The following BAHCC1 variants were observed in gnomAD, a reference collection of about 807,000 sequenced individuals.
The protein encoded by BAHCC1 is BAH domain and coiled-coil containing 1.
Under a neutral mutation model 88.2 loss-of-function variants are expected in BAHCC1, and 43 were observed. That is an observed-to-expected ratio of 0.49 (90% CI 0.38 to 0.63). BAHCC1 has a LOEUF of 0.63. Ranked by LOEUF, BAHCC1 falls within the 20% of genes least tolerant of loss-of-function variation. The probability of loss-of-function intolerance (pLI) is 0.00; values close to 1 mark genes in which losing one functional copy is unlikely to be tolerated. For synonymous variants in BAHCC1, 1,510 were observed against 745.5 expected (o/e 2.03, Z -16.71); for missense variants, 3,023 against 1,654.8 (o/e 1.83, Z -14.34).
At chr17:81,431,063 G>A (rs1426726035) in intron 3 of BAHCC1, among the ~76,000 whole-genome samples, 1 of 145,680 alleles carries the variant, frequency 6.9e-6, no homozygotes, top group Non-Finnish European at 1.5e-5. Context: ...CGGCGTGGGG[G>A]TGGAGGGGAC....
chr17:81,452,668 T>G lies in BAHCC1; in HGVS notation c.4317-55T>G, dbSNP rs184015714. On this transcript the variant is annotated intron_variant, in intron 13 of 27. Transcript: ENST00000675386. ...AGGCCAATGCCCTCGGCTGGAACCT[T>G]GTCGGGGAGCTGGGTTGTGCATGAG... The G allele has an allele frequency of 3.2e-3, 2,127 of 671,544 alleles. 6 individuals carry two copies. Among genetic ancestry groups the G allele is most frequent in the Non-Finnish European group, 5.0e-3 (1,882 of 373,530 alleles). The allele number at this position is 671,544 out of a possible 1,614,324, so 41.6% of individuals were successfully genotyped here. A position where few individuals can be genotyped will look rare whatever the true frequency, so the allele number is the denominator to read the frequency against.
At chr17:81,436,993 C>A (rs1016626491) in intron 3 of BAHCC1, among the ~76,000 whole-genome samples, 1 of 152,234 alleles carries the variant, frequency 6.6e-6, no homozygotes, top group Non-Finnish European at 1.5e-5. Context: ...GGGGCTCAAG[C>A]TCCACAGATT....
rs545607252 is a variant in BAHCC1, at chr17:81,423,294, C to G, written c.179-3506C>G. On this transcript the variant is annotated intron_variant, in intron 2 of 27. Coordinates refer to ENST00000675386, the MANE Select transcript of BAHCC1 (RefSeq NM_001377448.1). ...GGGAAGGGGCCTTGGGGGCCCTGGG[C>G]TGGGAACTGGCTCAGCACAGCAGGA... is the stretch of plus-strand genomic sequence containing the variant. Among the ~76,000 whole-genome samples the G allele has an allele frequency of 1.4e-4, 21 of 152,322 alleles. 2 individuals carry two copies. Among genetic ancestry groups the G allele is most frequent in the Admixed American group, 1.4e-3 (21 of 15,310 alleles).
chr17:81,455,134 C>T (rs1288845012), intron 14 of BAHCC1, 133 bp from the exon 15 acceptor site: 1 of 624,692 alleles, frequency 1.6e-6, no homozygotes, highest in Non-Finnish European at 2.9e-6. Context: ...TCACCCCCTG[C>T]TCTGTCTGCC....
chr17:81,399,454 G>A lies in BAHCC1; in HGVS notation c.-206-80G>A, dbSNP rs1427563316. 2.4e-5 allele frequency: 4 copies of A among 167,964 alleles called. No individual in the cohort carries two copies. In the South Asian group the frequency reaches 3.4e-4, roughly 14 times the overall value. 10.4% of individuals were successfully genotyped at this position (167,964 alleles called of 1,614,324 possible). Reference sequence around the variant, plus strand: ...GGCGGGGGTGGGGGGTGGGGGGAGTGGGTGAGCGGGCGGGGCGGGGACCCC... The same window carrying A: ...GGCGGGGGTGGGGGGTGGGGGGAGTAGGTGAGCGGGCGGGGCGGGGACCCC... On this transcript the variant is annotated intron_variant, in intron 1 of 27. Transcript: ENST00000675386. The surrounding 1 kb of genome is among the most constrained non-coding windows in gnomAD (Gnocchi z 4.5).
At chr17:81,429,393 G>T in intron 3 of BAHCC1, among the ~76,000 whole-genome samples, 2 of 152,330 alleles carry the variant, frequency 1.3e-5, no homozygotes, top group Admixed American at 1.3e-4. Flanking sequence ...CCCTCCCTGC[G>T]GGGGTTCCCT....
At chr17:81,404,369 C>T (rs1192295326) in intron 2 of BAHCC1, among the ~76,000 whole-genome samples, 1 of 152,226 alleles carries the variant, frequency 6.6e-6, no homozygotes, top group East Asian at 1.9e-4. Flanking sequence ...AGCCACTGAG[C>T]TTTGCATGAG....
rs2063958230 is a variant in BAHCC1, at chr17:81,411,796, A to C, written c.178+11879A>C. On this transcript the variant is annotated intron_variant, in intron 2 of 27. Transcript: ENST00000675386. This position sits in a 1 kb window ranked among gnomAD's most constrained non-coding sequence, Gnocchi z 6.2. Reference sequence around the variant, plus strand: ...GGTCTCTGGGCCTTTGCCTCTACCCACACCTGCACGCCTCAGCAAGGTCGT... The same window carrying C: ...GGTCTCTGGGCCTTTGCCTCTACCCCCACCTGCACGCCTCAGCAAGGTCGT... Among the ~76,000 whole-genome samples the C allele has an allele frequency of 6.6e-6, 1 of 151,910 alleles. No homozygotes were observed. Among genetic ancestry groups the C allele is most frequent in the Non-Finnish European group, 1.5e-5 (1 of 67,938 alleles).
chr17:81,424,617 G>A (rs1343136522), intron 2 of BAHCC1, among the ~76,000 whole-genome samples: 1 of 152,116 alleles, frequency 6.6e-6, no homozygotes, highest in Non-Finnish European at 1.5e-5. Context: ...GTTGAATGTG[G>A]TTGGTAATGG....
intron 2 of BAHCC1, among the ~76,000 whole-genome samples, chr17:81,419,969 C>T (rs1555649426): frequency 6.6e-6 from 1 of 152,128 alleles, no homozygotes; most frequent in Non-Finnish European, 1.5e-5. Context: ...TGCCACAGGG[C>T]GGAGCAGGGT....
chr17:81,464,637 C>T lies in BAHCC1; in HGVS notation c.*820C>T, dbSNP rs907393899. The T allele has an allele frequency of 6.6e-6, 1 of 152,490 alleles. No homozygotes were observed. Among genetic ancestry groups the T allele is most frequent in the Non-Finnish European group, 1.5e-5 (1 of 68,064 alleles). 9.4% of individuals were successfully genotyped at this position (152,490 alleles called of 1,614,324 possible). ...GTGACAACAGCCGTGAGCATCTCAC[C>T]TGTGTTCAAAACAAGACAAAGACGA... On this transcript the variant is annotated 3_prime_UTR_variant, in exon 28 of 28. Coordinates refer to ENST00000675386, the MANE Select transcript of BAHCC1 (RefSeq NM_001377448.1).
intron 1 of BAHCC1, among the ~76,000 whole-genome samples, chr17:81,397,662 G>A (rs1045676848): frequency 6.6e-6 from 1 of 152,108 alleles, no homozygotes; most frequent in East Asian, 1.9e-4. Flanking sequence ...CCTGACCCCT[G>A]CGCTCGCAGC....
chr17:81,454,398 G>T (rs1458543088), intron 14 of BAHCC1, among the ~76,000 whole-genome samples: 1 of 152,184 alleles, frequency 6.6e-6, no homozygotes, highest in Non-Finnish European at 1.5e-5. Context: ...AGTGTCCAGG[G>T]CTCCATCTGG....
intron 11 of BAHCC1, among the ~76,000 whole-genome samples, chr17:81,449,670 C>G (rs1192321454): frequency 6.6e-6 from 1 of 151,870 alleles, no homozygotes; most frequent in Non-Finnish European, 1.5e-5. Context: ...AGCAGCTGCT[C>G]AGCCCACCCC....
chr17:81,458,776 C>T (rs782154573), intron 19 of BAHCC1, 37 bp from the exon 20 acceptor site: 2 of 757,214 alleles, frequency 2.6e-6, no homozygotes, highest in Non-Finnish European at 4.9e-6. Flanking sequence ...TGCACCCCGC[C>T]TGCACCCCAC....
Position 81,447,336 on chromosome 17 carries a change from A to G in BAHCC1, c.3464A>G (p.Gln1155Arg). 4.0e-6 allele frequency: 3 copies of G among 747,758 alleles called. No homozygotes were observed. The highest frequency in any genetic ancestry group is 7.4e-6 in the Non-Finnish European group (3 of 403,436). 46.3% of individuals were successfully genotyped at this position (747,758 alleles called of 1,614,324 possible). A position where few individuals can be genotyped will look rare whatever the true frequency, so the allele number is the denominator to read the frequency against. Residue 1155 changes from glutamine to arginine, a missense_variant, in exon 11 of 28, where the codon CAA becomes CGA. By Grantham distance (43) the Gln-to-Arg change is conservative. Transcript: ENST00000675386. ...AADPSPLEGL[Q>R]ELQCAALLEA... ...GACCCCAGCCCACTAGAGGGGCTAC[A>G]AGAACTGCAATGTGCGGCCCTCCTG...
rs782811250 is a variant in BAHCC1, at chr17:81,443,573, C to T, written c.2215+9C>T. ...CGCCCCCGCCTTCAAAGGTACAGGC[C>T]CTGCACAGAGAGGGAGGCAGGCCGG... On this transcript the variant is annotated intron_variant, in intron 5 of 27. Transcript: ENST00000675386. 4.8e-6 allele frequency: 3 copies of T among 629,166 alleles called. No individual in the cohort carries two copies. Among genetic ancestry groups the T allele is most frequent in the Non-Finnish European group, 8.6e-6 (3 of 347,492 alleles). 39.0% of individuals were successfully genotyped at this position (629,166 alleles called of 1,614,324 possible).
At chr17:81,426,333 TGGTGATAGTCGTGG>T (rs2064197984) in intron 2 of BAHCC1, among the ~76,000 whole-genome samples, 1 of 41,026 alleles carries the variant, frequency 2.4e-5, no homozygotes, top group African/African-American at 8.1e-5. Context: ...ATGTGGTTGG[TGGTGATAGTCGTGG>T]GTGATGTGGT....
Position 81,456,377 on chromosome 17 carries a change from C to T in BAHCC1, c.4650C>T (p.Pro1550=), listed in dbSNP as rs1555657272. The T allele has an allele frequency of 1.4e-6, 1 of 724,020 alleles. No individual in the cohort carries two copies. The highest frequency in any genetic ancestry group is 1.7e-5 in the African/African-American group (1 of 57,600). 44.8% of individuals were successfully genotyped at this position (724,020 alleles called of 1,614,324 possible). A position where few individuals can be genotyped will look rare whatever the true frequency, so the allele number is the denominator to read the frequency against. Residue 1550 remains proline (P), a synonymous_variant, in exon 16 of 28, where the codon CCC becomes CCT. Coordinates refer to ENST00000675386, the MANE Select transcript of BAHCC1 (RefSeq NM_001377448.1). ...SVAHRVAQLK[P]KVKSKGLPTG... ...CCCACAGGGTGGCCCAGCTGAAACC[C>T]AAGGTCAAGAGCAAAGGGCTGCCCA...
Sources: gnomAD v4.1 joint callset for allele counts (sites outside exome capture counted in the v4.1 genomes callset) on GRCh38, gnomAD v4.1.1 for gene constraint, Gnocchi (gnomAD v3.1) non-coding constraint, MANE v1.5 for transcripts, NCBI Gene and HGNC (gene_info 2026-07-23, HGNC 2026-07-21) for gene names.